L3MBTL1: variants seen among roughly 807,000 people sequenced by gnomAD.
L3MBTL1 encodes the protein lethal(3)malignant brain tumor-like protein 1.
L3MBTL1 carries 75 observed loss-of-function variants against 105.3 expected under a neutral mutation model. That is an observed-to-expected ratio of 0.71 (90% CI 0.59 to 0.86). The LOEUF is 0.86. Ranked by LOEUF, L3MBTL1 falls within the 40% of genes least tolerant of loss-of-function variation. L3MBTL1 has a pLI of 0.00. For synonymous variants in L3MBTL1, 452 were observed against 436.2 expected (o/e 1.04, Z -0.45); for missense variants, 1,069 against 1,126.4 (o/e 0.95, Z 0.73).
Position 43,528,702 on chromosome 20 carries a change from A to C in L3MBTL1, c.908A>C (p.Glu303Ala). Residue 303 changes from glutamate to alanine, a missense_variant, in exon 8 of 22, where the codon GAG becomes GCG. Physicochemically the swap from Glu to Ala is moderately radical, Grantham distance 107. Coordinates refer to ENST00000418998, the MANE Select transcript of L3MBTL1 (RefSeq NM_001377303.1). ...KECWSWESYL[E>A]EQKAITAPVS... is the part of the protein sequence containing the mutation. Reference sequence around the variant, plus strand: ...TGCTGGTCGTGGGAGTCCTACCTAGAGGAGCAGAAGGCCATTACTGCTCCA... The same window carrying C: ...TGCTGGTCGTGGGAGTCCTACCTAGCGGAGCAGAAGGCCATTACTGCTCCA... The C allele has an allele frequency of 1.2e-6, 2 of 1,614,170 alleles. No homozygotes were observed. Among genetic ancestry groups the C allele is most frequent in the Non-Finnish European group, 1.7e-6 (2 of 1,180,010 alleles).
At chr20:43,507,811 C>G (rs2018018879) in intron 1 of L3MBTL1, 67 bp downstream of exon 1, 1 of 152,142 alleles carries the variant, frequency 6.6e-6, no homozygotes, top group Non-Finnish European at 1.5e-5. Context: ...CCCGCTCCGT[C>G]CAGGGCGGCG....
chr20:43,513,236 C>T (rs543071806), intron 1 of L3MBTL1, among the ~76,000 whole-genome samples: 1 of 152,328 alleles, frequency 6.6e-6, no homozygotes, highest in South Asian at 2.1e-4. Flanking sequence ...ACATGCCACC[C>T]TACCCATCCT....
chr20:43,538,181 C>A (rs1235395494), intron 19 of L3MBTL1, among the ~76,000 whole-genome samples: 1 of 152,202 alleles, frequency 6.6e-6, no homozygotes, highest in African/African-American at 2.4e-5. Context: ...AGTAAGGACT[C>A]CTAAGGATCA....
In L3MBTL1 at chr20:43,541,589, T is replaced by G. The variant is rs1215730293; in HGVS notation, c.*461T>G. 6.2e-6 allele frequency: 1 copy of G among 161,522 alleles called. No homozygotes were observed. The highest frequency in any genetic ancestry group is 1.3e-5 in the Non-Finnish European group (1 of 74,390). 10.0% of individuals were successfully genotyped at this position (161,522 alleles called of 1,614,324 possible). A position where few individuals can be genotyped will look rare whatever the true frequency, so the allele number is the denominator to read the frequency against. On this transcript the variant is annotated 3_prime_UTR_variant, in exon 22 of 22. Coordinates refer to ENST00000418998, the MANE Select transcript of L3MBTL1 (RefSeq NM_001377303.1). ...TGTTATATGTATTTTTATTTACATG[T>G]ATATTTTCACATGAAATACCAAATG...
chr20:43,532,776 C>T lies in L3MBTL1; in HGVS notation c.1288C>T (p.Pro430Ser), dbSNP rs1466953187. The T allele has an allele frequency of 6.2e-7, 1 of 1,614,068 alleles. No homozygotes were observed. Among genetic ancestry groups the T allele is most frequent in the Non-Finnish European group, 8.5e-7 (1 of 1,180,016 alleles). Residue 430 changes from proline to serine, a missense_variant, in exon 12 of 22, where the codon CCC (proline) becomes TCC (serine). Physicochemically the swap from Pro to Ser is moderately conservative, Grantham distance 74. Transcript: ENST00000418998. ...KHLFVSQSHS[P>S]PPLGFQVGMK... ...GCAGCTCCTTTTTTTCCCCTAGAGT[C>T]CCCCACCCCTGGGCTTCCAGGTGGG...
Position 43,534,093 on chromosome 20 carries a change from G to A in L3MBTL1, c.1599G>A (p.Val533=). ...CTGTCCCCACCTGGGCCTTCAAGGTGGTGAGTCAGTGCTCCCTGACCCCAG... is the reference window on the plus strand; with the variant it reads ...CTGTCCCCACCTGGGCCTTCAAGGTAGTGAGTCAGTGCTCCCTGACCCCAG... ...ASAVPTWAFK[V]RPPHSFLVNM... The change falls in exon 14 of 22, where the codon GTG becomes GTA. Residue 533 remains valine, a splice_region_variant and synonymous_variant. Coordinates refer to ENST00000418998, the MANE Select transcript of L3MBTL1 (RefSeq NM_001377303.1). The A allele has an allele frequency of 6.2e-7, 1 of 1,612,730 alleles. No individual in the cohort carries two copies. The highest frequency in any genetic ancestry group is 8.5e-7 in the Non-Finnish European group (1 of 1,178,744).
chr20:43,533,499 C>A, intron 13 of L3MBTL1, 81 bp downstream of exon 13: 1 of 1,193,028 alleles, frequency 8.4e-7, no homozygotes, highest in Non-Finnish European at 1.2e-6. Context: ...CAGTAGTGCC[C>A]CAGTAGCTGG....
intron 7 of L3MBTL1, among the ~76,000 whole-genome samples, chr20:43,520,579 A>G (rs560015809): frequency 5.3e-5 from 8 of 152,164 alleles, no homozygotes; most frequent in Non-Finnish European, 7.4e-5. Context: ...CTTTTTTATT[A>G]TGGTCATTCT....
chr20:43,547,284 T>G (rs1978675570), intron 18 of L3MBTL1, among the ~76,000 whole-genome samples: 1 of 152,080 alleles, frequency 6.6e-6, no homozygotes, highest in Admixed American at 6.6e-5. Flanking sequence ...TTTTGTATTT[T>G]TAGTAGAAGC....
chr20:43,526,951 C>T (rs184701942), intron 7 of L3MBTL1, among the ~76,000 whole-genome samples: 1 of 152,182 alleles, frequency 6.6e-6, no homozygotes, highest in Non-Finnish European at 1.5e-5. Flanking sequence ...TGTCTCAAAA[C>T]AGACAAACAA....
chr20:43,548,018 C>CA, intron 18 of L3MBTL1: 2 of 753,936 alleles, frequency 2.7e-6, no homozygotes, highest in Non-Finnish European at 3.8e-6. Context: ...TCCCCTCCCC[C>CA]ATTCCCCATG....
At chr20:43,529,098 T>TTC (rs146663372) in intron 8 of L3MBTL1, 166 bp from the exon 9 acceptor site, 94 of 600,018 alleles carry the variant, frequency 1.6e-4, no homozygotes, top group South Asian at 1.0e-3. Context: ...CTGGGAGATA[T>TTC]TCTCTCTCTC....
Position 43,541,003 on chromosome 20 carries a change from C to G in L3MBTL1, c.2464C>G (p.Leu822Val), listed in dbSNP as rs6124571. ...CTGGACTGTGGCCCAGCTTGGGGAC[C>G]TTGTGTGCTCAGATCATCTTCAGGA... Reference protein sequence around the residue: ...LVWTVAQLGDLVCSDHLQEGK... With the variant: ...LVWTVAQLGDVVCSDHLQEGK... Residue 822 changes from leucine to valine, a missense_variant, in exon 22 of 22, where the codon CTT (leucine) becomes GTT (valine). Coordinates refer to ENST00000418998, the MANE Select transcript of L3MBTL1 (RefSeq NM_001377303.1). The G allele has an allele frequency of 6.2e-7, 1 of 1,614,172 alleles. No homozygotes were observed. Among genetic ancestry groups the G allele is most frequent in the Non-Finnish European group, 8.5e-7 (1 of 1,180,036 alleles).
At chr20:43,546,360 A>G (rs893719780), downstream of L3MBTL1, among the ~76,000 whole-genome samples, 2 of 152,192 alleles carry the variant, frequency 1.3e-5, no homozygotes, top group Non-Finnish European at 2.9e-5. Context: ...CAGCTCTCAC[A>G]GTGGTTAGGA....
chr20:43,519,232 G>A (rs2018578024), intron 7 of L3MBTL1, among the ~76,000 whole-genome samples: 1 of 151,564 alleles, frequency 6.6e-6, no homozygotes, highest in African/African-American at 2.4e-5. Flanking sequence ...AGCTACTCGG[G>A]AGGCTGAGGC....
chr20:43,542,627 A>AG (rs1244661251), downstream of L3MBTL1, among the ~76,000 whole-genome samples: 14 of 151,666 alleles, frequency 9.2e-5, no homozygotes, highest in African/African-American at 3.4e-4. Context: ...AAAAAAAAAA[A>AG]AAAGAAAAGA....
chr20:43,534,322 G>A lies in L3MBTL1; in HGVS notation c.1638G>A (p.Glu546=), dbSNP rs2019494259. 6.2e-7 allele frequency: 1 copy of A among 1,614,148 alleles called. No individual in the cohort carries two copies. The highest frequency in any genetic ancestry group is 8.5e-7 in the Non-Finnish European group (1 of 1,180,012). The part of the protein sequence containing the change: ...PHSFLVNMKL[E]AVDRRNPALI... ...GCTTCCTGGTCAATATGAAGCTGGA[G>A]GCTGTGGACCGCAGGAACCCAGCCC... The change falls in exon 15 of 22, where the codon GAG becomes GAA. Residue 546 remains glutamate, a synonymous_variant. Coordinates refer to ENST00000418998, the MANE Select transcript of L3MBTL1 (RefSeq NM_001377303.1).
intron 7 of L3MBTL1, among the ~76,000 whole-genome samples, chr20:43,522,734 A>G (rs995642395): frequency 1.3e-5 from 2 of 150,144 alleles, no homozygotes; most frequent in Non-Finnish European, 3.0e-5. Flanking sequence ...GGCCTCCCAA[A>G]GTGCTAGGAT....
chr20:43,522,715 G>A (rs937280839), intron 7 of L3MBTL1, among the ~76,000 whole-genome samples: 1 of 150,058 alleles, frequency 6.7e-6, no homozygotes, highest in Non-Finnish European at 1.5e-5. Flanking sequence ...CAAGCTGTCC[G>A]TCCGCCTTGG....
Sources: gnomAD v4.1 joint callset for allele counts (sites outside exome capture counted in the v4.1 genomes callset) on GRCh38, gnomAD v4.1.1 for gene constraint, MANE v1.5 for transcripts, NCBI Gene and HGNC (gene_info 2026-07-23, HGNC 2026-07-21) for gene names.